The following NSUN7 variants were observed in gnomAD, a reference collection of about 807,000 sequenced individuals.
The protein encoded by NSUN7 is NOP2/Sun RNA methyltransferase family member 7.
Under a neutral mutation model 58.5 loss-of-function variants are expected in NSUN7, and 39 were observed. The observed-to-expected ratio is 0.67, with a 90% CI of 0.52 to 0.87. The LOEUF is 0.87. Among genes scored for constraint, NSUN7 ranks in the 40% least tolerant of loss-of-function variants. The pLI is 0.00. For missense variants in NSUN7, 765 were observed against 844.1 expected (o/e 0.91, Z 1.16); for synonymous variants, 278 against 303.7 (o/e 0.92, Z 0.88).
intron 8 of NSUN7, among the ~76,000 whole-genome samples, chr4:40,793,254 C>A (rs1357021614): frequency 5.3e-5 from 8 of 152,004 alleles, no homozygotes. Flanking sequence ...TCAGCCTGAC[C>A]AACATAGTGA....
intron 4 of NSUN7, 33 bp downstream of exon 4, chr4:40,761,334 G>A: frequency 6.4e-7 from 1 of 1,559,906 alleles, no homozygotes; most frequent in South Asian, 1.1e-5. Context: ...TGTTTTATAT[G>A]AAACCTACAT....
At chr4:40,752,511 C>T (rs1021007974) in intron 2 of NSUN7, among the ~76,000 whole-genome samples, 27 of 152,216 alleles carry the variant, frequency 1.8e-4, no homozygotes, top group African/African-American at 5.5e-4. Context: ...AGCTCCGCCT[C>T]CTGGGTTCAC....
At chr4:40,792,794 T>C (rs957869897) in intron 8 of NSUN7, among the ~76,000 whole-genome samples, 1 of 151,322 alleles carries the variant, frequency 6.6e-6, no homozygotes, top group Admixed American at 6.6e-5. Context: ...AAGCGGGCTT[T>C]TGAAGGAACC....
chr4:40,756,628 C>T (rs774627763), intron 2 of NSUN7, among the ~76,000 whole-genome samples: 5 of 152,216 alleles, frequency 3.3e-5, no homozygotes, highest in Non-Finnish European at 7.3e-5. Context: ...ACTCCTTGAT[C>T]TGCTACTTGC....
In NSUN7 at chr4:40,750,820, C is replaced by T. The variant is rs764629368; in HGVS notation, c.127C>T (p.Pro43Ser). 8 of 1,614,056 alleles carry T rather than the reference C, an allele frequency of 5.0e-6. No homozygotes were observed. The highest frequency in any genetic ancestry group is 1.6e-4 in the Middle Eastern group (1 of 6,084). Residue 43 changes from proline (P) to serine (S), a missense_variant, in exon 2 of 12, where the codon CCG becomes TCG. Pro to Ser is a moderately conservative substitution (Grantham distance 74, BLOSUM62 -1). Coordinates refer to ENST00000381782, the MANE Select transcript of NSUN7 (RefSeq NM_024677.6). The stretch of plus-strand genomic sequence containing the variant: ...TGGTGTGCCCGAAAAAACGGGCTAT[C>T]CGGACTCCGTTTATGTCATGGCAGC... ...SAGVPEKTGY[P>S]DSVYVMAANI...
intron 7 of NSUN7, among the ~76,000 whole-genome samples, chr4:40,780,500 A>C (rs1014649106): frequency 6.6e-6 from 1 of 151,492 alleles, no homozygotes; most frequent in Non-Finnish European, 1.5e-5. Flanking sequence ...CCAGCTACTC[A>C]GGAGGCTGAG....
intron 10 of NSUN7, among the ~76,000 whole-genome samples, chr4:40,801,127 A>C (rs1743562017): frequency 6.6e-6 from 1 of 152,116 alleles, no homozygotes; most frequent in Admixed American, 6.6e-5. Flanking sequence ...TTTCTTACCT[A>C]AACTCTTGCA....
intron 2 of NSUN7, among the ~76,000 whole-genome samples, chr4:40,757,875 C>A (rs571125406): frequency 6.7e-6 from 1 of 150,162 alleles, no homozygotes; most frequent in Non-Finnish European, 1.5e-5. Context: ...GTTCTCTTGT[C>A]GTTCATCCTG....
At chr4:40,800,635 C>T (rs775139919) in intron 10 of NSUN7, among the ~76,000 whole-genome samples, 29 of 152,174 alleles carry the variant, frequency 1.9e-4, no homozygotes, top group Non-Finnish European at 2.8e-4. Flanking sequence ...CCACCATGCC[C>T]GGCCCCTAAA....
intron 4 of NSUN7, among the ~76,000 whole-genome samples, chr4:40,769,661 C>T (rs1031948445): frequency 3.9e-5 from 6 of 152,190 alleles, no homozygotes; most frequent in African/African-American, 1.2e-4. Context: ...GGATAAGGCA[C>T]ATTTGCTCAG....
At chr4:40,750,572 G>T in intron 1 of NSUN7, 31 bp from the exon 2 acceptor site, 1 of 1,189,554 alleles carries the variant, frequency 8.4e-7, no homozygotes. Context: ...CAGAAAGAGT[G>T]ATTTACTGCA....
At chr4:40,771,771 CATA>C (rs1401732923) in intron 4 of NSUN7, among the ~76,000 whole-genome samples, 2 of 147,970 alleles carry the variant, frequency 1.4e-5, no homozygotes, top group Non-Finnish European at 3.0e-5. Context: ...TATTTAATAT[CATA>C]AAGGAAGCTC....
intron 4 of NSUN7, chr4:40,762,592 T>G (rs1357934294): frequency 1.3e-5 from 2 of 152,222 alleles, no homozygotes; most frequent in Non-Finnish European, 2.9e-5. Flanking sequence ...TACCAACCTG[T>G]AATTTTACAC....
At chr4:40,794,312 A>G in intron 8 of NSUN7, 63 bp from the exon 9 acceptor site, 1 of 828,686 alleles carries the variant, frequency 1.2e-6, no homozygotes, top group African/African-American at 1.7e-5. Context: ...TTATATGATG[A>G]TAACAATATG....
At chr4:40,780,843 G>A (rs1742528548) in intron 7 of NSUN7, among the ~76,000 whole-genome samples, 4 of 105,210 alleles carry the variant, frequency 3.8e-5, no homozygotes, top group South Asian at 6.2e-4. Flanking sequence ...TTTTTGAGAC[G>A]GTGTCTCGCT....
At chr4:40,776,011 A>G in intron 6 of NSUN7, 38 bp from the exon 7 acceptor site, 1 of 1,315,004 alleles carries the variant, frequency 7.6e-7, no homozygotes, top group Non-Finnish European at 1.1e-6. Flanking sequence ...ATTTCTAGCC[A>G]TACCCTTTGA....
chr4:40,760,139 AT>A (rs939272027), intron 2 of NSUN7, among the ~76,000 whole-genome samples: 1 of 152,166 alleles, frequency 6.6e-6, no homozygotes. Flanking sequence ...CCTCTTTAAT[AT>A]TTTTCAAAGG....
chr4:40,757,902 T>TTTTGTTTG (rs71198603), intron 2 of NSUN7, among the ~76,000 whole-genome samples: 81,496 of 148,372 alleles, frequency 0.55, 22,662 homozygotes, highest in Middle Eastern at 0.69. Context: ...CTATTCCTGT[T>TTTTGTTTG]TTTGTTTGTT....
chr4:40,751,794 G>T (rs763014962), intron 2 of NSUN7, among the ~76,000 whole-genome samples: 31 of 152,090 alleles, frequency 2.0e-4, no homozygotes, highest in Non-Finnish European at 3.4e-4. Flanking sequence ...AGGCGTTAAA[G>T]ACCAGCCTGG....
Sources: gnomAD v4.1 joint callset for allele counts (sites outside exome capture counted in the v4.1 genomes callset) on GRCh38, gnomAD v4.1.1 for gene constraint, MANE v1.5 for transcripts, NCBI Gene and HGNC (gene_info 2026-07-23, HGNC 2026-07-21) for gene names.